KMT2E: variants seen among roughly 807,000 people sequenced by gnomAD.
The protein encoded by KMT2E is histone reader KMT2E.
Under a neutral mutation model 184.6 loss-of-function variants are expected in KMT2E, and 30 were observed. The observed-to-expected ratio is 0.16, with a 90% confidence interval of 0.12 to 0.22. KMT2E has a LOEUF of 0.22. Ranked by LOEUF, KMT2E falls within the 10% of genes least tolerant of loss-of-function variation. The probability of loss-of-function intolerance (pLI) is 1.00; values close to 1 mark genes in which losing one functional copy is unlikely to be tolerated. For synonymous variants in KMT2E, 815 were observed against 776.5 expected, an observed-to-expected ratio of 1.05 and a Z score of -0.82; for missense variants, 2,023 against 2,237.4, an observed-to-expected ratio of 0.90 and a Z score of 1.93.
chr7:105,021,763 A>G (rs1032237752), intron 1 of KMT2E, among the ~76,000 whole-genome samples: 17 of 152,300 alleles, frequency 1.1e-4, no homozygotes, highest in Admixed American at 3.3e-4. Flanking sequence ...AGGAATGTTC[A>G]AAGGTACTTG....
intron 15 of KMT2E, among the ~76,000 whole-genome samples, chr7:105,096,250 A>AC (rs1468017249): frequency 7.0e-6 from 1 of 142,252 alleles, no homozygotes; most frequent in Non-Finnish European, 1.5e-5. Flanking sequence ...AAAGGCTCAA[A>AC]AAAAAAAAAA....
chr7:105,029,956 T>C (rs569947845), intron 1 of KMT2E, among the ~76,000 whole-genome samples: 2 of 152,170 alleles, frequency 1.3e-5, no homozygotes, highest in East Asian at 3.9e-4. Context: ...AAAAGGGAAA[T>C]TGTGGTTTAA....
At chr7:105,087,493 G>C (rs1246907646) in intron 13 of KMT2E, among the ~76,000 whole-genome samples, 1 of 149,312 alleles carries the variant, frequency 6.7e-6, no homozygotes, top group Non-Finnish European at 1.5e-5. Flanking sequence ...GCGCGATCTC[G>C]GCTCACTGCA....
At chr7:105,063,259 GA>G in intron 4 of KMT2E, 91 bp from the exon 5 acceptor site, 1 of 915,698 alleles carries the variant, frequency 1.1e-6, no homozygotes, top group Non-Finnish European at 1.6e-6. Flanking sequence ...CTTGAGTATT[GA>G]AATTAAGGGT....
intron 13 of KMT2E, among the ~76,000 whole-genome samples, chr7:105,085,772 T>G (rs959956233): frequency 1.2e-4 from 18 of 151,806 alleles, no homozygotes. Context: ...CAGGCTCCGC[T>G]TCCCAGGTTC....
intron 1 of KMT2E, among the ~76,000 whole-genome samples, chr7:105,037,538 T>C (rs116448743): frequency 0.034 from 5,151 of 152,092 alleles, 309 homozygotes; most frequent in African/African-American, 0.12. Flanking sequence ...AGTTTTTGTA[T>C]TTTTTGTAGG....
At chr7:105,043,149 T>C (rs1232121854) in intron 3 of KMT2E, among the ~76,000 whole-genome samples, 8 of 152,216 alleles carry the variant, frequency 5.3e-5, no homozygotes, top group Admixed American at 4.6e-4. Flanking sequence ...TTCTAAACTG[T>C]TCTTTTTCTC....
Position 105,091,715 on chromosome 7 carries a change from G to GC in KMT2E, c.1722+402dup, listed in dbSNP as rs1271192606. 8 of 216,062 alleles carry GC rather than the reference G, an allele frequency of 3.7e-5. No individual in the cohort carries two copies. In the East Asian group the frequency reaches 5.7e-4, roughly 15 times the overall value. 13.4% of individuals were successfully genotyped at this position (216,062 alleles called of 1,614,324 possible). ...CTATAGCACCAAATAAATTGCTTAT[G>GC]CAAAAAAAAAAAAAAACCTACCACT... On this transcript the variant is annotated intron_variant, in intron 15 of 26. Transcript: ENST00000311117.
At chr7:105,028,062 A>G (rs1027496717) in intron 1 of KMT2E, among the ~76,000 whole-genome samples, 1 of 138,588 alleles carries the variant, frequency 7.2e-6, no homozygotes, top group Non-Finnish European at 1.6e-5. Context: ...TCTAAGAGAC[A>G]ACTAACATTA....
At chr7:105,032,267 A>C (rs1584701322) in intron 1 of KMT2E, among the ~76,000 whole-genome samples, 1 of 151,460 alleles carries the variant, frequency 6.6e-6, no homozygotes, top group Non-Finnish European at 1.5e-5. Flanking sequence ...AACATGGTGA[A>C]ATGCTGTCTC....
intron 5 of KMT2E, among the ~76,000 whole-genome samples, chr7:105,065,908 T>TA (rs1797006866): frequency 1.3e-5 from 2 of 152,286 alleles, no homozygotes; most frequent in South Asian, 4.1e-4. Flanking sequence ...GGCAATAAAA[T>TA]ACAATAGTAA....
intron 11 of KMT2E, among the ~76,000 whole-genome samples, 180 bp from the exon 12 acceptor site, chr7:105,078,657 CTTTTTTTTT>C (rs71152940): frequency 8.6e-5 from 4 of 46,676 alleles, no homozygotes; most frequent in Non-Finnish European, 1.4e-4. Flanking sequence ...CATGCCTGGC[CTTTTTTTTT>C]TTTTTTTTTT....
At chr7:105,073,423 G>T (rs1436291501) in intron 6 of KMT2E, among the ~76,000 whole-genome samples, 196 bp from the exon 7 acceptor site, 2 of 149,428 alleles carry the variant, frequency 1.3e-5, no homozygotes, top group African/African-American at 4.9e-5. Context: ...AAAAAAATCA[G>T]AGTGAAATGG....
At position 105,070,496 on chromosome 7, in the gene KMT2E, T is replaced by C. The variant is rs570362645; in HGVS notation, c.498-3123T>C. On this transcript the variant is annotated intron_variant, in intron 6 of 26. Coordinates refer to ENST00000311117, the MANE Select transcript of KMT2E (RefSeq NM_182931.3). ...AAAAAATACAAAAATTAGCCGGGCA[T>C]GGTGGCAGGTGCTTGTAATCCCAGC... Among the ~76,000 whole-genome samples the C allele has an allele frequency of 5.3e-5, 8 of 151,340 alleles. No homozygotes were observed. In the South Asian group the frequency reaches 1.5e-3, roughly 28 times the overall value.
At chr7:105,030,502 T>C (rs751954537) in intron 1 of KMT2E, among the ~76,000 whole-genome samples, 10 of 152,236 alleles carry the variant, frequency 6.6e-5, no homozygotes, top group Admixed American at 1.3e-4. Flanking sequence ...TGATAAAATG[T>C]CAACATTAGG....
rs1797455684 is a variant in KMT2E, at chr7:105,074,691, T to C, written c.605T>C (p.Leu202Ser). ...AGTGGTGATGAGGTTCCTGTGGAAT[T>C]ATATACTGCATTTCAGCATACTCCA... Reference protein sequence around the residue: ...TESGDEVPVELYTAFQHTPTS... With the variant: ...TESGDEVPVESYTAFQHTPTS... The change falls in exon 8 of 27, where the codon TTA becomes TCA. Residue 202 changes from leucine (L) to serine (S), a missense_variant. This residue lies in a region of KMT2E where 191 missense variants were observed against 209.0 expected (regional missense o/e 0.91). Transcript: ENST00000311117. 1 of 1,599,682 alleles carries C rather than the reference T, an allele frequency of 6.3e-7. No homozygotes were observed. Among genetic ancestry groups the C allele is most frequent in the South Asian group, 1.1e-5 (1 of 88,600 alleles).
At chr7:105,032,660 C>A (rs368970691) in intron 1 of KMT2E, among the ~76,000 whole-genome samples, 2 of 152,236 alleles carry the variant, frequency 1.3e-5, no homozygotes, top group East Asian at 3.9e-4. Flanking sequence ...TACCACTACC[C>A]CTGGCTAATT....
intron 2 of KMT2E, among the ~76,000 whole-genome samples, chr7:105,039,972 CT>C (rs1354267697): frequency 6.6e-6 from 1 of 151,756 alleles, no homozygotes; most frequent in Non-Finnish European, 1.5e-5. Context: ...AGCTAAGTAT[CT>C]TTTAGTTGCT....
chr7:105,105,188 C>A (rs1183725288), intron 17 of KMT2E: 2 of 316,108 alleles, frequency 6.3e-6, no homozygotes, highest in Non-Finnish European at 1.1e-5. Context: ...ATACAAATTT[C>A]ATGTAATATA....
Sources: gnomAD v4.1 joint callset for allele counts (sites outside exome capture counted in the v4.1 genomes callset) on GRCh38, gnomAD v4.1.1 for gene constraint, gnomAD v4.1.1 regional missense constraint, MANE v1.5 for transcripts, NCBI Gene and HGNC (gene_info 2026-07-23, HGNC 2026-07-21) for gene names.